The following SLC35F1 variants were observed in gnomAD, a reference collection of about 807,000 sequenced individuals.
SLC35F1 encodes solute carrier family 35 member F1.
Under a neutral mutation model 48.7 loss-of-function variants are expected in SLC35F1, and 14 were observed. The observed-to-expected ratio is 0.29, with a 90% CI of 0.19 to 0.45. The LOEUF (loss-of-function observed/expected upper bound fraction) is 0.45. Among genes scored for constraint, SLC35F1 ranks in the 20% least tolerant of loss-of-function variants. The pLI, the probability that SLC35F1 is intolerant of heterozygous loss-of-function variation, is 1.00. For missense variants in SLC35F1, 404 were observed against 500.0 expected, an observed-to-expected ratio of 0.81 and a Z score of 1.83; for synonymous variants, 190 against 202.2, an observed-to-expected ratio of 0.94 and a Z score of 0.51.
intron 1 of SLC35F1, among the ~76,000 whole-genome samples, chr6:118,058,048 G>A (rs570852519): frequency 1.3e-5 from 2 of 152,156 alleles, no homozygotes; most frequent in South Asian, 2.1e-4. Context: ...GTTGGTACAC[G>A]GAAAATTATC....
intron 1 of SLC35F1, among the ~76,000 whole-genome samples, chr6:117,908,341 T>TCCGCC (rs758712207): frequency 1.8e-4 from 27 of 152,240 alleles, no homozygotes; most frequent in Non-Finnish European, 2.5e-4. Flanking sequence ...CGTGCTGTCC[T>TCCGCC]CCGCCCCGCC....
chr6:118,024,869 T>C (rs988350824), intron 1 of SLC35F1, among the ~76,000 whole-genome samples: 3 of 152,176 alleles, frequency 2.0e-5, no homozygotes, highest in African/African-American at 7.2e-5. Context: ...ATAACTGAAA[T>C]CAATATGGCC....
At chr6:118,071,327 G>T (rs1772721117) in intron 1 of SLC35F1, among the ~76,000 whole-genome samples, 1 of 151,110 alleles carries the variant, frequency 6.6e-6, no homozygotes, top group South Asian at 2.1e-4. Flanking sequence ...TGCTTTTCCT[G>T]GAGTTTCTAA....
chr6:117,917,142 A>G (rs1362834334), intron 1 of SLC35F1, among the ~76,000 whole-genome samples: 3 of 152,178 alleles, frequency 2.0e-5, no homozygotes, highest in Admixed American at 6.5e-5. Context: ...AGATTAGAAT[A>G]GCCAAAAGGA....
chr6:118,297,622 T>TTG (rs1562354581), intron 7 of SLC35F1, among the ~76,000 whole-genome samples: 58 of 96,926 alleles, frequency 6.0e-4, no homozygotes, highest in African/African-American at 1.5e-3. Context: ...TTCTCAGAAC[T>TTG]TATATATATA....
chr6:118,300,833 T>G (rs1776246887), intron 7 of SLC35F1, among the ~76,000 whole-genome samples: 1 of 152,224 alleles, frequency 6.6e-6, no homozygotes, highest in African/African-American at 2.4e-5. Flanking sequence ...AATAAGTACA[T>G]TATAACCATT....
chr6:118,026,856 T>C (rs554200400), intron 1 of SLC35F1, among the ~76,000 whole-genome samples: 1 of 152,318 alleles, frequency 6.6e-6, no homozygotes, highest in South Asian at 2.1e-4. Context: ...TTACCCCTTT[T>C]AGGTGTAAAG....
At chr6:117,945,090 T>C (rs1776279845) in intron 1 of SLC35F1, among the ~76,000 whole-genome samples, 1 of 152,168 alleles carries the variant, frequency 6.6e-6, no homozygotes, top group African/African-American at 2.4e-5. Context: ...AAGTTACATA[T>C]ATAAATATAT....
At chr6:118,010,098 A>G (rs1777225679) in intron 1 of SLC35F1, among the ~76,000 whole-genome samples, 1 of 152,190 alleles carries the variant, frequency 6.6e-6, no homozygotes, top group African/African-American at 2.4e-5. Flanking sequence ...GGAGTTGACT[A>G]AAATATTCTT....
intron 1 of SLC35F1, among the ~76,000 whole-genome samples, chr6:118,061,989 G>T (rs9320635): frequency 6.6e-6 from 1 of 151,872 alleles, no homozygotes; most frequent in African/African-American, 2.4e-5. Flanking sequence ...GAGAGTTGGC[G>T]ACCCCTGGCT....
Position 117,907,739 on chromosome 6 carries a change from G to C in SLC35F1, c.13G>C (p.Glu5Gln). MIPP[E>Q]QPQQQLQPPS... ...AGCCTCTGCCGCGATGATCCCCCCT[G>C]AGCAGCCGCAGCAGCAGCTGCAGCC... The change falls in exon 1 of 8, where the codon GAG becomes CAG. Residue 5 changes from glutamate (E) to glutamine (Q), a missense_variant. Physicochemically the swap from Glu to Gln is conservative, Grantham distance 29. Coordinates refer to ENST00000360388, the MANE Select transcript of SLC35F1 (RefSeq NM_001029858.4). 2.3e-5 allele frequency: 36 copies of C among 1,541,352 alleles called. No homozygotes were observed. The highest frequency in any genetic ancestry group is 2.9e-5 in the Non-Finnish European group (33 of 1,149,912).
At chr6:118,052,048 C>T (rs958343554) in intron 1 of SLC35F1, among the ~76,000 whole-genome samples, 1 of 152,082 alleles carries the variant, frequency 6.6e-6, no homozygotes, top group East Asian at 1.9e-4. Flanking sequence ...AACCAATGTG[C>T]TGTACTTCAT....
chr6:118,206,054 C>T lies in SLC35F1; in HGVS notation c.350-29455C>T, dbSNP rs190264301. Among the ~76,000 whole-genome samples the T allele has an allele frequency of 5.3e-3, 807 of 152,148 alleles. 4 individuals carry two copies. Among genetic ancestry groups the T allele is most frequent in the Admixed American group, 8.2e-3 (126 of 15,284 alleles). On this transcript the variant is annotated intron_variant, in intron 2 of 7. Coordinates refer to ENST00000360388, the MANE Select transcript of SLC35F1 (RefSeq NM_001029858.4). Reference sequence around the variant, plus strand: ...GGGGATAATGACAGAGTTTTGGGTACAGATGGTGACGGTGATTTCACAATA... The same window carrying T: ...GGGGATAATGACAGAGTTTTGGGTATAGATGGTGACGGTGATTTCACAATA...
At chr6:118,080,354 A>G (rs1267488799) in intron 1 of SLC35F1, among the ~76,000 whole-genome samples, 1 of 152,280 alleles carries the variant, frequency 6.6e-6, no homozygotes, top group South Asian at 2.1e-4. Flanking sequence ...GATTAGTGGG[A>G]TCACATTTGG....
chr6:118,091,571 T>A (rs2114344680), intron 1 of SLC35F1, among the ~76,000 whole-genome samples: 1 of 152,350 alleles, frequency 6.6e-6, no homozygotes, highest in East Asian at 1.9e-4. Context: ...TTTTTCCTGA[T>A]AAATTACCCA....
intron 2 of SLC35F1, among the ~76,000 whole-genome samples, chr6:118,196,595 A>C (rs1309584850): frequency 6.6e-6 from 1 of 152,000 alleles, no homozygotes. Flanking sequence ...AGACACCTAT[A>C]ATCCTAGCTG....
chr6:118,262,657 T>C (rs1291867130), intron 3 of SLC35F1, among the ~76,000 whole-genome samples: 2 of 152,198 alleles, frequency 1.3e-5, no homozygotes, highest in East Asian at 1.9e-4. Flanking sequence ...TTCCCTTATT[T>C]ATAGAGTAGA....
chr6:118,269,889 C>T (rs1443129512), intron 4 of SLC35F1, among the ~76,000 whole-genome samples: 1 of 152,042 alleles, frequency 6.6e-6, no homozygotes, highest in Non-Finnish European at 1.5e-5. Flanking sequence ...AATTAGCCAG[C>T]ATGGTGGTGT....
Position 118,277,544 on chromosome 6 carries a change from T to C in SLC35F1, c.845T>C (p.Ile282Thr). ...ELLKVPWDWQ[I>T]GLLYVGFSAC... ...TTGAAGGTGCCCTGGGACTGGCAAA[T>C]AGGTAAGGAGTTGGCTCACATACGA... Residue 282 changes from isoleucine to threonine, a missense_variant and splice_region_variant, in exon 6 of 8, where the codon ATA becomes ACA. Coordinates refer to ENST00000360388, the MANE Select transcript of SLC35F1 (RefSeq NM_001029858.4). The C allele has an allele frequency of 1.2e-6, 2 of 1,613,764 alleles. No homozygotes were observed. The highest frequency in any genetic ancestry group is 1.7e-6 in the Non-Finnish European group (2 of 1,179,722).
Sources: allele counts gnomAD v4.1 joint callset (sites outside exome capture counted in the v4.1 genomes callset), GRCh38; gene constraint gnomAD v4.1.1; transcripts MANE v1.5; gene names NCBI Gene and HGNC (gene_info 2026-07-23, HGNC 2026-07-21).